Variants in GANC observed in about 807,000 individuals in gnomAD.
The protein encoded by GANC is glucosidase alpha, neutral C, also known as neutral alpha-glucosidase C.
Under a neutral mutation model 124.2 loss-of-function variants are expected in GANC, and 117 were observed. That is an observed-to-expected ratio of 0.94 (90% CI 0.81 to 1.10). The LOEUF (loss-of-function observed/expected upper bound fraction) is 1.10. Among genes scored for constraint, GANC ranks in the 50% least tolerant of loss-of-function variants. GANC has a pLI of 0.00. For missense variants in GANC, 1,140 were observed against 1,095.0 expected, an observed-to-expected ratio of 1.04 and a Z score of -0.58; for synonymous variants, 377 against 376.8, an observed-to-expected ratio of 1.00 and a Z score of -0.01.
At chr15:42,344,133 T>G (rs890490247) in intron 19 of GANC, among the ~76,000 whole-genome samples, 2 of 152,218 alleles carry the variant, frequency 1.3e-5, no homozygotes, top group African/African-American at 4.8e-5. Flanking sequence ...GCTTTACATG[T>G]TTGGTTGTTC....
At chr15:42,336,791 AAAC>A (rs1165549338) in intron 15 of GANC, among the ~76,000 whole-genome samples, 3 of 152,254 alleles carry the variant, frequency 2.0e-5, no homozygotes, top group Non-Finnish European at 4.4e-5. Flanking sequence ...TTAAGAGAAA[AAAC>A]AAACAGCCCC....
intron 6 of GANC, among the ~76,000 whole-genome samples, chr15:42,306,062 T>C (rs1246345642): frequency 6.6e-6 from 1 of 150,832 alleles, no homozygotes; most frequent in Non-Finnish European, 1.5e-5. Flanking sequence ...AGTCTCGCTG[T>C]GTCGCCCAGG....
intron 7 of GANC, among the ~76,000 whole-genome samples, chr15:42,307,540 C>T (rs1208902438): frequency 6.6e-6 from 1 of 152,096 alleles, no homozygotes; most frequent in Non-Finnish European, 1.5e-5. Context: ...ATCCCTTTTC[C>T]ACAAGCTCCT....
intron 15 of GANC, among the ~76,000 whole-genome samples, chr15:42,336,137 CA>C (rs112853909): frequency 0.29 from 37,699 of 129,182 alleles, 6,609 homozygotes; most frequent in African/African-American, 0.53. Context: ...CATATTGAAC[CA>C]AAAAAAAAAA....
At chr15:42,286,352 A>G (rs1203569708) in intron 3 of GANC, among the ~76,000 whole-genome samples, 1 of 152,208 alleles carries the variant, frequency 6.6e-6, no homozygotes, top group Non-Finnish European at 1.5e-5. Flanking sequence ...CAAAAGTTCA[A>G]TCATTGCAAT....
intron 4 of GANC, among the ~76,000 whole-genome samples, chr15:42,291,461 T>G (rs560385717): frequency 6.6e-6 from 1 of 152,318 alleles, no homozygotes; most frequent in East Asian, 1.9e-4. Context: ...GTGGATTTGT[T>G]TCATGCAACC....
At chr15:42,338,878 T>C (rs555314671) in intron 16 of GANC, among the ~76,000 whole-genome samples, 1 of 152,342 alleles carries the variant, frequency 6.6e-6, no homozygotes, top group African/African-American at 2.4e-5. Context: ...TTCTTTTTAC[T>C]CAGCAGATTT....
At chr15:42,334,712 CAAT>C (rs1277800139) in intron 15 of GANC, among the ~76,000 whole-genome samples, 1 of 150,120 alleles carries the variant, frequency 6.7e-6, no homozygotes, top group Non-Finnish European at 1.5e-5. Context: ...TTTTACTACT[CAAT>C]AATAATAAGA....
intron 3 of GANC, 106 bp from the exon 4 acceptor site, chr15:42,287,585 G>T: frequency 8.5e-7 from 1 of 1,181,402 alleles, no homozygotes; most frequent in Non-Finnish European, 1.2e-6. Flanking sequence ...CAATTTGCTT[G>T]GCCTATCATA....
intron 11 of GANC, among the ~76,000 whole-genome samples, chr15:42,324,090 C>CA (rs541820987): frequency 0.065 from 9,779 of 149,594 alleles, 405 homozygotes; most frequent in South Asian, 0.16. Flanking sequence ...TCAGCAACAA[C>CA]AAAAAAAAAC....
At chr15:42,310,153 G>A in intron 8 of GANC, 130 bp from the exon 9 acceptor site, 3 of 621,726 alleles carry the variant, frequency 4.8e-6, no homozygotes, top group Non-Finnish European at 7.6e-6. Flanking sequence ...AATCTTTAGG[G>A]AAGTGGCAAG....
At chr15:42,275,638 T>C (rs2051663490) in intron 1 of GANC, among the ~76,000 whole-genome samples, 1 of 152,134 alleles carries the variant, frequency 6.6e-6, no homozygotes, top group Admixed American at 6.5e-5. Flanking sequence ...CTAGTTTAAA[T>C]ACATATACTC....
chr15:42,314,101 C>T, intron 10 of GANC: 1 of 732,482 alleles, frequency 1.4e-6, no homozygotes, highest in South Asian at 1.4e-5. Context: ...AAATAGCTCT[C>T]AGTCTGAGGA....
intron 6 of GANC, among the ~76,000 whole-genome samples, chr15:42,305,019 G>A (rs550279093): frequency 7.9e-5 from 11 of 138,580 alleles, no homozygotes; most frequent in African/African-American, 3.0e-4. Flanking sequence ...AGAAGAAAAC[G>A]TAGGCAATAC....
At chr15:42,326,460 T>G (rs1473433158) in intron 12 of GANC, 36 bp downstream of exon 12, 1 of 1,612,926 alleles carries the variant, frequency 6.2e-7, no homozygotes, top group Non-Finnish European at 8.5e-7. Flanking sequence ...TATTTCCACA[T>G]GTTCTGTCCC....
At chr15:42,286,415 C>G (rs1175200812) in intron 3 of GANC, among the ~76,000 whole-genome samples, 1 of 152,094 alleles carries the variant, frequency 6.6e-6, no homozygotes, top group Non-Finnish European at 1.5e-5. Context: ...GCAATGGAAA[C>G]ACATGTTTAA....
intron 6 of GANC, among the ~76,000 whole-genome samples, chr15:42,302,357 A>G (rs372172760): frequency 1.3e-5 from 2 of 152,318 alleles, no homozygotes; most frequent in East Asian, 1.9e-4. Flanking sequence ...GGTCACCAAC[A>G]TCGAAGAGCA....
In GANC at chr15:42,306,621, G is replaced by GAAAATGGTA. The variant is rs1171944150; in HGVS notation, c.625+12_625+13insATGGTAAAA. Reference sequence around the variant, plus strand: ...GGATATCAAAGCTAATGGTAAAATTGAAACTGGTATAGTATTAAAACAGAT... The same window carrying GAAAATGGTA: ...GGATATCAAAGCTAATGGTAAAATTGAAAATGGTAAAACTGGTATAGTATTAAAACAGAT... On this transcript the variant is annotated intron_variant, in intron 7 of 23. Coordinates refer to ENST00000318010, the MANE Select transcript of GANC (RefSeq NM_198141.3). 6.3e-7 allele frequency: 1 copy of GAAAATGGTA among 1,575,434 alleles called. No individual in the cohort carries two copies. Among genetic ancestry groups the GAAAATGGTA allele is most frequent in the East Asian group, 2.2e-5 (1 of 44,648 alleles).
chr15:42,332,642 A>T (rs2052254959), intron 15 of GANC, among the ~76,000 whole-genome samples: 1 of 152,214 alleles, frequency 6.6e-6, no homozygotes, highest in Admixed American at 6.5e-5. Flanking sequence ...TTTCAAAATC[A>T]TTATGTAAAT....
Sources: gnomAD v4.1 joint callset for allele counts (sites outside exome capture counted in the v4.1 genomes callset) on GRCh38, gnomAD v4.1.1 for gene constraint, MANE v1.5 for transcripts, NCBI Gene and HGNC (gene_info 2026-07-23, HGNC 2026-07-21) for gene names.